The following H2AZ2 variants were observed in gnomAD, a reference collection of about 807,000 sequenced individuals.
H2AZ2 encodes the protein histone H2A.V.
A neutral mutation model predicts 15.5 loss-of-function variants in H2AZ2; 5 were observed. That is an observed-to-expected ratio of 0.32 (90% CI 0.17 to 0.68). H2AZ2 has a LOEUF of 0.68. H2AZ2 is among the 30% of genes least tolerant of loss of function. The pLI is 0.72. For synonymous variants in H2AZ2, 44 were observed against 57.4 expected (o/e 0.77, Z 1.05); for missense variants, 42 against 162.5 (o/e 0.26, Z 4.03).
Position 44,833,534 on chromosome 7 carries a change from C to G in H2AZ2, c.*967G>C, listed in dbSNP as rs887829956. 4.0e-6 allele frequency: 1 copy of G among 250,312 alleles called. No individual in the cohort carries two copies. Among genetic ancestry groups the G allele is most frequent in the African/African-American group, 2.3e-5 (1 of 43,148 alleles). The allele number at this position is 250,312 out of a possible 1,614,324, so 15.5% of individuals were successfully genotyped here. ...ACAGGCGTGAGCCACCGCGCCTGGC[C>G]GAGACGGCGTTTTACCATGTTGGCC... On this transcript the variant is annotated 3_prime_UTR_variant, in exon 5 of 5. Transcript: ENST00000308153.
At position 44,841,856 on chromosome 7, in the gene H2AZ2, T is replaced by G. The variant is rs556785074; in HGVS notation, c.82-844A>C. Among the ~76,000 whole-genome samples the G allele has an allele frequency of 1.2e-4, 18 of 152,308 alleles. No individual in the cohort carries two copies. In the South Asian group the frequency reaches 3.5e-3, roughly 30 times the overall value. ...AATTACTTCCTTTCCGCTGGTTCCTTTCCTTCTACAGACTTTACTGAAAAC... is the reference window on the plus strand; with the variant it reads ...AATTACTTCCTTTCCGCTGGTTCCTGTCCTTCTACAGACTTTACTGAAAAC... On this transcript the variant is annotated intron_variant, in intron 2 of 4. Transcript: ENST00000308153.
intron 4 of H2AZ2, chr7:44,834,812 C>T (rs1793078790): frequency 7.1e-6 from 2 of 282,364 alleles, no homozygotes; most frequent in South Asian, 1.1e-4. Context: ...TTTGAGATGG[C>T]CTCACTTTGT....
chr7:44,839,858 C>A (rs998128282), intron 3 of H2AZ2, among the ~76,000 whole-genome samples: 5 of 151,498 alleles, frequency 3.3e-5, no homozygotes, highest in Non-Finnish European at 7.4e-5. Context: ...CAAAAATTAG[C>A]CGGGTGTAGT....
chr7:44,837,067 G>A (rs1462660245), intron 3 of H2AZ2, among the ~76,000 whole-genome samples: 1 of 151,582 alleles, frequency 6.6e-6, no homozygotes, highest in Admixed American at 6.6e-5. Flanking sequence ...CACCATATTG[G>A]CCAGGCTGGT....
intron 3 of H2AZ2, among the ~76,000 whole-genome samples, chr7:44,836,852 TG>T (rs749463455): frequency 1.3e-5 from 2 of 148,358 alleles, no homozygotes; most frequent in Non-Finnish European, 3.0e-5. Context: ...AAAAATTAGC[TG>T]GGTGTGGTGG....
At chr7:44,840,803 T>C in intron 3 of H2AZ2, 96 bp downstream of exon 3, 1 of 769,000 alleles carries the variant, frequency 1.3e-6, no homozygotes, top group Non-Finnish European at 2.1e-6. Flanking sequence ...CCAGTGAGCA[T>C]AATATGTCTT....
intron 3 of H2AZ2, among the ~76,000 whole-genome samples, chr7:44,840,274 G>C (rs974950656): frequency 5.9e-5 from 9 of 152,056 alleles, no homozygotes; most frequent in African/African-American, 2.2e-4. Flanking sequence ...TTTGAGATAG[G>C]GTCTTGCTCT....
At chr7:44,841,268 G>A (rs1270885117) in intron 2 of H2AZ2, among the ~76,000 whole-genome samples, 1 of 152,102 alleles carries the variant, frequency 6.6e-6, no homozygotes, top group Admixed American at 6.6e-5. Flanking sequence ...GTCATCAACT[G>A]TACGTTCAAC....
rs1310003003 is a variant in H2AZ2, at chr7:44,832,894, G to GAGCCAGGATC, written c.*1597_*1606dup. ...GGGCCTGAGAGGTGGAGGCTGCAGTGAGCCAGGATCATGCCACTGCACTTC... is the reference window on the plus strand; with the variant it reads ...GGGCCTGAGAGGTGGAGGCTGCAGTGAGCCAGGATCAGCCAGGATCATGCCACTGCACTTC... On this transcript the variant is annotated 3_prime_UTR_variant, in exon 5 of 5. Coordinates refer to ENST00000308153, the MANE Select transcript of H2AZ2 (RefSeq NM_012412.5). Among the ~76,000 whole-genome samples, 5 of 152,162 alleles carry GAGCCAGGATC rather than the reference G, an allele frequency of 3.3e-5. No individual in the cohort carries two copies. The highest frequency in any genetic ancestry group is 9.7e-5 in the African/African-American group (4 of 41,430).
At chr7:44,835,315 C>G (rs988460464) in intron 4 of H2AZ2, 2 of 435,532 alleles carry the variant, frequency 4.6e-6, no homozygotes, top group Admixed American at 3.9e-5. Flanking sequence ...AGACAAAGAA[C>G]TGGCTAAAAT....
intron 1 of H2AZ2, 61 bp from the exon 2 acceptor site, chr7:44,843,415 T>A: frequency 8.7e-7 from 1 of 1,145,654 alleles, no homozygotes; most frequent in Admixed American, 2.0e-5. Flanking sequence ...TCAAAAATAT[T>A]CTGGAAACAG....
rs1024730765 is a variant in H2AZ2 at position 44,832,038 on chromosome 7, T to C, written c.*2463A>G. The stretch of plus-strand genomic sequence containing the variant: ...GACAGAAAAGGTGTACATGATCCCA[T>C]TAGGATACATTCAGTAAAATCCACT... On this transcript the variant is annotated 3_prime_UTR_variant, in exon 5 of 5. Transcript: ENST00000308153. 6.6e-6 allele frequency among the ~76,000 whole-genome samples: 1 copy of C among 152,162 alleles called. No individual in the cohort carries two copies. Among genetic ancestry groups the C allele is most frequent in the African/African-American group, 2.4e-5 (1 of 41,438 alleles).
intron 2 of H2AZ2, 102 bp downstream of exon 2, chr7:44,843,175 A>AAAATT: frequency 3.6e-6 from 1 of 281,208 alleles, no homozygotes; most frequent in Non-Finnish European, 6.7e-6. Context: ...AAAAAAAAAA[A>AAAATT]GTCTGTAGTA....
Position 44,835,074 on chromosome 7 carries a change from G to A in H2AZ2, c.325+455C>T, listed in dbSNP as rs756155005. 1.9e-4 allele frequency: 31 copies of A among 166,272 alleles called. No homozygotes were observed. The Middle Eastern group carries it at 9.0e-3, about 48-fold the overall frequency. 10.3% of individuals were successfully genotyped at this position (166,272 alleles called of 1,614,324 possible). A position where few individuals can be genotyped will look rare whatever the true frequency, so the allele number is the denominator to read the frequency against. On this transcript the variant is annotated intron_variant, in intron 4 of 4. Transcript: ENST00000308153. ...GCTGAGATTACAGGTGTGAGCCACC[G>A]TGCCCAGCTGTAACCACAGCTTTCA...
rs568268722 is a variant in H2AZ2, at chr7:44,845,996, T to A, written c.3+1973A>T. On this transcript the variant is annotated intron_variant, in intron 1 of 4. Coordinates refer to ENST00000308153, the MANE Select transcript of H2AZ2 (RefSeq NM_012412.5). Reference sequence around the variant, plus strand: ...TCCAAGAACTGACTTCGTATTAACCTGAGTTAAGGTTGTTGGTTTTAAAAA... The same window carrying A: ...TCCAAGAACTGACTTCGTATTAACCAGAGTTAAGGTTGTTGGTTTTAAAAA... 6.6e-5 allele frequency among the ~76,000 whole-genome samples: 10 copies of A among 150,694 alleles called. No individual in the cohort carries two copies. In the East Asian group the frequency reaches 1.9e-3, roughly 29 times the overall value.
At chr7:44,828,466 CTCAT>C (rs1266442614), downstream of H2AZ2, 2 of 152,184 alleles carry the variant, frequency 1.3e-5, no homozygotes. Flanking sequence ...TACATGTGTT[CTCAT>C]TCAGAGATCA....
rs1346669346 is a variant in H2AZ2, at chr7:44,841,016, A to G, written c.82-4T>C. On this transcript the variant is annotated splice_polypyrimidine_tract_variant and splice_region_variant and intron_variant, in intron 2 of 4. Coordinates refer to ENST00000308153, the MANE Select transcript of H2AZ2 (RefSeq NM_012412.5). ...TGTGGATGCGGCCCACAGGAAACTA[A>G]AAGAGAGATGTCTTAGTGGGAAGCA... The G allele has an allele frequency of 3.7e-6, 6 of 1,609,842 alleles. No homozygotes were observed. In the East Asian group the frequency reaches 1.3e-4, roughly 36 times the overall value.
At chr7:44,837,831 AG>A (rs61670696) in intron 3 of H2AZ2, among the ~76,000 whole-genome samples, 11,232 of 53,914 alleles carry the variant, frequency 0.21, 574 homozygotes, top group Non-Finnish European at 0.26. Flanking sequence ...TTTAAAAAAA[AG>A]GGGGGGGGGG....
At chr7:44,847,370 T>C (rs916871612) in intron 1 of H2AZ2, among the ~76,000 whole-genome samples, 7 of 152,220 alleles carry the variant, frequency 4.6e-5, no homozygotes, top group African/African-American at 1.4e-4. Context: ...AAAGTACTGT[T>C]GTATAATGAA....
Sources: allele counts gnomAD v4.1 joint callset (sites outside exome capture counted in the v4.1 genomes callset), GRCh38; gene constraint gnomAD v4.1.1; transcripts MANE v1.5; gene names NCBI Gene and HGNC (gene_info 2026-07-23, HGNC 2026-07-21).